The following TRPC5 variants were observed in gnomAD, a reference collection of about 807,000 sequenced individuals.
TRPC5 encodes the protein transient receptor potential cation channel subfamily C member 5, also known as short transient receptor potential channel 5.
In TRPC5, 9 loss-of-function variants were observed where a neutral mutation model predicts 56.5. The observed-to-expected ratio is 0.16, with a 90% CI of 0.10 to 0.28. TRPC5 has a LOEUF of 0.28. Among genes scored for constraint, TRPC5 ranks in the 10% least tolerant of loss-of-function variants. The pLI, the probability that TRPC5 is intolerant of heterozygous loss-of-function variation, is 1.00. For missense variants in TRPC5, 469 were observed against 748.9 expected (o/e 0.63, Z 4.36); for synonymous variants, 282 against 278.5 (o/e 1.01, Z -0.13).
chrX:111,822,669 T>C (rs1434942142), intron 7 of TRPC5, among the ~76,000 whole-genome samples: 1 of 112,436 alleles, frequency 8.9e-6, no homozygotes, highest in East Asian at 2.8e-4. Context: ...GTGTGGCACA[T>C]AGTAGTGCCT....
chrX:111,990,775 T>C (rs769481727), intron 1 of TRPC5, among the ~76,000 whole-genome samples: 7 of 112,185 alleles, frequency 6.2e-5, no homozygotes, highest in African/African-American at 2.3e-4. Context: ...GGTTACCAGA[T>C]GGCCTACTAC....
rs768935604 is a variant in TRPC5, at chrX:111,852,004, G to T, written c.1377+294C>A. The stretch of plus-strand genomic sequence containing the variant: ...CCCATGCAAGCATCACTGGGCCATT[G>T]TGTTGGCACGGATATCGTAGAGAGC... On this transcript the variant is annotated intron_variant, in intron 5 of 10. Coordinates refer to ENST00000262839, the MANE Select transcript of TRPC5 (RefSeq NM_012471.3). Among the ~76,000 whole-genome samples the T allele has an allele frequency of 3.6e-5, 4 of 112,364 alleles. No individual in the cohort carries two copies. In the East Asian group the frequency reaches 1.1e-3, roughly 32 times the overall value.
chrX:111,818,174 TG>T (rs1921920409), intron 7 of TRPC5, among the ~76,000 whole-genome samples: 1 of 111,794 alleles, frequency 8.9e-6, no homozygotes. Context: ...GGACAGCAAC[TG>T]GGGGGAAAAT....
intron 1 of TRPC5, among the ~76,000 whole-genome samples, chrX:111,976,483 C>T (rs976106647): frequency 9.0e-6 from 1 of 110,539 alleles, no homozygotes; most frequent in Non-Finnish European, 1.9e-5. Context: ...AAAAAGCTTA[C>T]CTTAACACAA....
chrX:111,939,513 C>T (rs1034588734), intron 2 of TRPC5, among the ~76,000 whole-genome samples: 1 of 111,474 alleles, frequency 9.0e-6, no homozygotes, highest in African/African-American at 3.3e-5. Context: ...GCAGTGAAAC[C>T]ATCAGGTCCT....
At chrX:111,950,908 C>T (rs181038572) in intron 2 of TRPC5, among the ~76,000 whole-genome samples, 295 of 111,998 alleles carry the variant, frequency 2.6e-3, no homozygotes, top group African/African-American at 9.0e-3. Flanking sequence ...ATGCCATTTT[C>T]TCCTATTAAT....
chrX:111,966,371 T>C (rs1052817631), intron 1 of TRPC5, among the ~76,000 whole-genome samples: 9 of 111,545 alleles, frequency 8.1e-5, no homozygotes, highest in East Asian at 2.8e-4. Flanking sequence ...CAGGACCAGA[T>C]GGATTCACAG....
chrX:112,046,112 G>A (rs771625707), intron 1 of TRPC5, among the ~76,000 whole-genome samples: 1 of 108,832 alleles, frequency 9.2e-6, no homozygotes, highest in Admixed American at 9.9e-5. Flanking sequence ...AGAGTGCAGA[G>A]ATTGAGAAAC....
chrX:112,068,513 G>T (rs1930641652), intron 1 of TRPC5, among the ~76,000 whole-genome samples: 1 of 112,006 alleles, frequency 8.9e-6, no homozygotes, highest in Admixed American at 9.4e-5. Context: ...CTCTATTTTT[G>T]AATGCTAGTC....
chrX:112,068,506 T>C (rs1930641364), intron 1 of TRPC5, among the ~76,000 whole-genome samples: 1 of 112,139 alleles, frequency 8.9e-6, no homozygotes, highest in Admixed American at 9.4e-5. Context: ...CAGAACTCTC[T>C]ATTTTTGAAT....
chrX:111,988,749 T>C (rs1019441487), intron 1 of TRPC5, among the ~76,000 whole-genome samples: 2 of 111,323 alleles, frequency 1.8e-5, no homozygotes, highest in African/African-American at 3.3e-5. Flanking sequence ...ACCATGCTTA[T>C]CTTGGCTTGC....
At chrX:112,003,205 CAAAT>C (rs1372511062) in intron 1 of TRPC5, among the ~76,000 whole-genome samples, 3 of 111,544 alleles carry the variant, frequency 2.7e-5, no homozygotes, top group African/African-American at 9.8e-5. Context: ...AAACATTAAT[CAAAT>C]AATTCAAAAA....
At chrX:111,994,527 A>G (rs1237586787) in intron 1 of TRPC5, among the ~76,000 whole-genome samples, 2 of 111,701 alleles carry the variant, frequency 1.8e-5, no homozygotes, top group African/African-American at 6.5e-5. Flanking sequence ...GATTCTTCCT[A>G]TCCATGAGCA....
rs576623552 is a variant in TRPC5, at chrX:111,829,933, C to T, written c.1896+4988G>A. 1.2e-3 allele frequency among the ~76,000 whole-genome samples: 132 copies of T among 112,806 alleles called. 1 individual carries two copies. The highest frequency in any genetic ancestry group is 4.1e-3 in the African/African-American group (126 of 31,111). ...TGAGAATAGGCCACTGTCCTCCAGA[C>T]CCCAGAATGGTAAATCCACTGACAG... is the stretch of plus-strand genomic sequence containing the variant. On this transcript the variant is annotated intron_variant, in intron 7 of 10. Transcript: ENST00000262839.
At chrX:111,889,372 TGAGA>T (rs1386674372) in intron 3 of TRPC5, among the ~76,000 whole-genome samples, 1 of 112,202 alleles carries the variant, frequency 8.9e-6, no homozygotes, top group African/African-American at 3.2e-5. Flanking sequence ...TCATAAGAGA[TGAGA>T]GAGAAATTTT....
intron 1 of TRPC5, among the ~76,000 whole-genome samples, chrX:111,997,924 A>T (rs917592042): frequency 3.6e-5 from 4 of 110,970 alleles, no homozygotes; most frequent in African/African-American, 1.3e-4. Context: ...GCTTCCTTGC[A>T]ATGGGTTCAA....
rs1945832567 is a variant in TRPC5 at position 111,769,654 on chromosome X, T to G, written c.*6659A>C. Among the ~76,000 whole-genome samples the G allele has an allele frequency of 8.9e-6, 1 of 111,835 alleles. No individual in the cohort carries two copies. Among genetic ancestry groups the G allele is most frequent in the South Asian group, 3.7e-4 (1 of 2,685 alleles). On this transcript the variant is annotated 3_prime_UTR_variant, in exon 11 of 11. Coordinates refer to ENST00000262839, the MANE Select transcript of TRPC5 (RefSeq NM_012471.3). ...ATAAAGTTAATTAGGGGAAAAAAAC[T>G]AGATTCCCAAGAACAGTTCCAGGTC...
At chrX:111,884,738 G>A (rs1483224462) in intron 3 of TRPC5, among the ~76,000 whole-genome samples, 2 of 112,961 alleles carry the variant, frequency 1.8e-5, no homozygotes, top group African/African-American at 3.2e-5. Context: ...ATTAGTTAAG[G>A]CTTAATTAGT....
At chrX:111,828,867 C>T (rs189817889) in intron 7 of TRPC5, among the ~76,000 whole-genome samples, 103 of 112,179 alleles carry the variant, frequency 9.2e-4, no homozygotes, top group African/African-American at 3.2e-3. Flanking sequence ...ATAAAAATGA[C>T]TCTTGGTTTG....
Sources: gnomAD v4.1 joint callset for allele counts (sites outside exome capture counted in the v4.1 genomes callset) on GRCh38, gnomAD v4.1.1 for gene constraint, MANE v1.5 for transcripts, NCBI Gene and HGNC (gene_info 2026-07-23, HGNC 2026-07-21) for gene names.